Variants in PLEKHH2 observed in about 807,000 individuals in gnomAD.
PLEKHH2 encodes the protein pleckstrin homology domain-containing family H member 2.
In PLEKHH2, 129 loss-of-function variants were observed where a neutral mutation model predicts 187.9. That is an observed-to-expected ratio of 0.69 (90% CI 0.59 to 0.79). PLEKHH2 has a LOEUF of 0.79. Ranked by LOEUF, PLEKHH2 falls within the 30% of genes least tolerant of loss-of-function variation. PLEKHH2 has a pLI of 0.00. For missense variants in PLEKHH2, 2,076 were observed against 1,751.2 expected, an observed-to-expected ratio of 1.19 and a Z score of -3.31; for synonymous variants, 686 against 605.6, an observed-to-expected ratio of 1.13 and a Z score of -1.95.
intron 2 of PLEKHH2, among the ~76,000 whole-genome samples, chr2:43,666,726 G>A (rs2374571): frequency 0.018 from 2,801 of 152,146 alleles, 40 homozygotes; most frequent in Non-Finnish European, 0.032. Context: ...ATCTTTTTAC[G>A]TATTTAACTT....
At chr2:43,651,364 G>T (rs1030937718) in intron 2 of PLEKHH2, among the ~76,000 whole-genome samples, 1 of 152,090 alleles carries the variant, frequency 6.6e-6, no homozygotes, top group African/African-American at 2.4e-5. Flanking sequence ...ACCGCGCCCG[G>T]CCCTCAAATT....
chr2:43,670,505 A>G (rs1289729755), intron 2 of PLEKHH2, among the ~76,000 whole-genome samples: 1 of 152,254 alleles, frequency 6.6e-6, no homozygotes, highest in Non-Finnish European at 1.5e-5. Context: ...TTTAAAGTAT[A>G]TTTCTGAACC....
At chr2:43,676,361 G>C in intron 2 of PLEKHH2, 2 of 1,508,488 alleles carry the variant, frequency 1.3e-6, no homozygotes, top group South Asian at 1.3e-5. Context: ...GTCAAAGGCA[G>C]CCTGGGACCG....
At chr2:43,705,829 A>G (rs917746477) in intron 9 of PLEKHH2, among the ~76,000 whole-genome samples, 3 of 151,318 alleles carry the variant, frequency 2.0e-5, no homozygotes, top group Non-Finnish European at 4.4e-5. Context: ...GGTTGGTCTC[A>G]AACTCCTGGG....
chr2:43,722,368 G>A (rs1670524034), intron 16 of PLEKHH2, among the ~76,000 whole-genome samples: 1 of 152,032 alleles, frequency 6.6e-6, no homozygotes, highest in African/African-American at 2.4e-5. Context: ...AAAAGTTAGG[G>A]AAACTGCCAA....
chr2:43,693,723 CAAAAAAAA>C, intron 4 of PLEKHH2, among the ~76,000 whole-genome samples: 1 of 69,680 alleles, frequency 1.4e-5, no homozygotes, highest in African/African-American at 6.6e-5. Flanking sequence ...GACTCCATCT[CAAAAAAAA>C]AAAAAAAAAG....
chr2:43,639,105 C>T (rs574980946), intron 1 of PLEKHH2, among the ~76,000 whole-genome samples: 53 of 152,286 alleles, frequency 3.5e-4, no homozygotes, highest in Non-Finnish European at 6.9e-4. Flanking sequence ...TTGGGGTTAA[C>T]AGTTACCTCT....
intron 2 of PLEKHH2, among the ~76,000 whole-genome samples, chr2:43,649,539 A>G (rs545251991): frequency 6.6e-6 from 1 of 152,220 alleles, no homozygotes; most frequent in Non-Finnish European, 1.5e-5. Flanking sequence ...GAGTCCTTGG[A>G]CAGCATAGTA....
chr2:43,754,200 AC>A (rs112438108), intron 25 of PLEKHH2, among the ~76,000 whole-genome samples: 19,356 of 129,578 alleles, frequency 0.15, 1,512 homozygotes, highest in Middle Eastern at 0.25. Flanking sequence ...ACACACACAC[AC>A]ACACAAAATT....
chr2:43,645,385 G>T (rs886439535), intron 2 of PLEKHH2, among the ~76,000 whole-genome samples: 2 of 151,964 alleles, frequency 1.3e-5, no homozygotes, highest in Non-Finnish European at 2.9e-5. Flanking sequence ...TTCTTTGAGG[G>T]CTAATTATGT....
chr2:43,752,449 C>T (rs1034071527), intron 24 of PLEKHH2, among the ~76,000 whole-genome samples: 2 of 152,100 alleles, frequency 1.3e-5, no homozygotes, highest in South Asian at 2.1e-4. Context: ...CCCATGCTTG[C>T]CCAGAGATTC....
intron 8 of PLEKHH2, 65 bp from the exon 9 acceptor site, chr2:43,703,916 C>CTTTTTTTTTTTTTTTTT: frequency 2.6e-6 from 1 of 384,604 alleles, no homozygotes; most frequent in South Asian, 2.2e-5. Context: ...TGAAAGTAGT[C>CTTTTTTTTTTTTTTTTT]TTTTTTTTTT....
intron 9 of PLEKHH2, among the ~76,000 whole-genome samples, chr2:43,704,294 A>C (rs1669539627): frequency 6.6e-6 from 1 of 152,176 alleles, no homozygotes; most frequent in Non-Finnish European, 1.5e-5. Context: ...CAGATTTGCA[A>C]AATGAAAAAG....
intron 3 of PLEKHH2, chr2:43,681,489 T>C: frequency 6.5e-7 from 1 of 1,546,140 alleles, no homozygotes; most frequent in East Asian, 2.4e-5. Context: ...TTCTCTTTCC[T>C]GGGCATCAAC....
Position 43,745,733 on chromosome 2 carries a change from G to A in PLEKHH2, c.3556-133G>A, listed in dbSNP as rs890271552. 15 of 602,136 alleles carry A rather than the reference G, an allele frequency of 2.5e-5. No homozygotes were observed. In the African/African-American group the frequency reaches 2.8e-4, roughly 11 times the overall value. The allele number at this position is 602,136 out of a possible 1,614,324, so 37.3% of individuals were successfully genotyped here. A position where few individuals can be genotyped will look rare whatever the true frequency, so the allele number is the denominator to read the frequency against. On this transcript the variant is annotated intron_variant, in intron 23 of 29. Transcript: ENST00000282406. ...ATACTAAACTCAGAGCCGCACAGAG[G>A]CTGAAAACAAAAAGCTTGAGTATAT... is the stretch of plus-strand genomic sequence containing the variant.
chr2:43,638,287 A>T (rs1474889734), intron 1 of PLEKHH2, among the ~76,000 whole-genome samples: 3 of 136,932 alleles, frequency 2.2e-5, no homozygotes, highest in East Asian at 2.0e-4. Context: ...ACACACACAC[A>T]CTCACACACA....
intron 1 of PLEKHH2, among the ~76,000 whole-genome samples, chr2:43,638,987 A>G (rs899311851): frequency 1.3e-5 from 2 of 152,238 alleles, no homozygotes; most frequent in African/African-American, 4.8e-5. Flanking sequence ...ACTATAAAAT[A>G]TATAATTAGC....
chr2:43,648,735 C>T (rs751027322), intron 2 of PLEKHH2, among the ~76,000 whole-genome samples: 44 of 151,828 alleles, frequency 2.9e-4, no homozygotes, highest in Non-Finnish European at 5.4e-4. Flanking sequence ...CATGGGCCAC[C>T]ACATCTGGCT....
At chr2:43,647,648 G>A (rs1278030632) in intron 2 of PLEKHH2, among the ~76,000 whole-genome samples, 1 of 152,036 alleles carries the variant, frequency 6.6e-6, no homozygotes. Context: ...GTGCCAACTC[G>A]AGTCAAATGT....
Sources: gnomAD v4.1 joint callset for allele counts (sites outside exome capture counted in the v4.1 genomes callset) on GRCh38, gnomAD v4.1.1 for gene constraint, MANE v1.5 for transcripts, NCBI Gene and HGNC (gene_info 2026-07-23, HGNC 2026-07-21) for gene names.